KCTD19: variants seen among roughly 807,000 people sequenced by gnomAD.
The protein encoded by KCTD19 is BTB/POZ domain-containing protein KCTD19.
In KCTD19, 67 loss-of-function variants were observed where a neutral mutation model predicts 103.5. That is an observed-to-expected ratio of 0.65 (90% CI 0.53 to 0.79). KCTD19 has a LOEUF of 0.79. Among genes scored for constraint, KCTD19 ranks in the 30% least tolerant of loss-of-function variants. KCTD19 has a pLI of 0.00. For missense variants in KCTD19, 980 were observed against 1,136.1 expected, an observed-to-expected ratio of 0.86 and a Z score of 1.98; for synonymous variants, 439 against 452.2, an observed-to-expected ratio of 0.97 and a Z score of 0.37.
At chr16:67,294,539 GT>G (rs1264929050) in intron 11 of KCTD19, 40 bp downstream of exon 11, 1 of 1,428,520 alleles carries the variant, frequency 7.0e-7, no homozygotes, top group Non-Finnish European at 9.9e-7. Flanking sequence ...GGTGGTAGTG[GT>G]TTTTGAGGAT....
intron 2 of KCTD19, among the ~76,000 whole-genome samples, chr16:67,314,606 T>C (rs1057460712): frequency 2.6e-5 from 4 of 151,816 alleles, no homozygotes; most frequent in Non-Finnish European, 4.4e-5. Context: ...GTTATAGAGA[T>C]GGGGCTTTGT....
intron 8 of KCTD19, 48 bp from the exon 9 acceptor site, chr16:67,295,453 C>T (rs760606929): frequency 9.6e-6 from 15 of 1,569,792 alleles, no homozygotes; most frequent in East Asian, 4.5e-5. Flanking sequence ...TAGGTCTTTG[C>T]GAAGGGGCAG....
intron 2 of KCTD19, among the ~76,000 whole-genome samples, chr16:67,316,109 A>G (rs1168590653): frequency 1.3e-5 from 2 of 152,122 alleles, no homozygotes; most frequent in Non-Finnish European, 2.9e-5. Flanking sequence ...TGGTGCAAAT[A>G]TGGCTCACTG....
Position 67,293,649 on chromosome 16 carries a change from C to G in KCTD19, c.2113G>C (p.Ala705Pro). 4 of 1,614,068 alleles carry G rather than the reference C, an allele frequency of 2.5e-6. No homozygotes were observed. Among genetic ancestry groups the G allele is most frequent in the Non-Finnish European group, 3.4e-6 (4 of 1,180,030 alleles). Residue 705 changes from alanine to proline, a missense_variant, in exon 12 of 16, where the codon GCT (alanine) becomes CCT (proline). Transcript: ENST00000304372. The surrounding 1 kb of genome is among the most constrained non-coding windows in gnomAD (Gnocchi z 4.0). ...KDPGPQAGAG[A>P]GAKDKGPEPT... ...TCTGGCCCCTTGTCTTTCGCTCCAGCTCCAGCCCCTGCCTGTGGTCCTGGA... is the reference window on the plus strand; with the variant it reads ...TCTGGCCCCTTGTCTTTCGCTCCAGGTCCAGCCCCTGCCTGTGGTCCTGGA...
Position 67,297,507 on chromosome 16 carries a change from C to T in KCTD19, c.1143G>A (p.Val381=), listed in dbSNP as rs766894313. The change falls in exon 7 of 16, where the codon GTG becomes GTA. Residue 381 remains valine (V), a synonymous_variant. Transcript: ENST00000304372. ...CCTAGAAGCTTTCTCACTTACTGAG[C>T]ACATCCATGGGTGCCAAAGTCCTTG... is the stretch of plus-strand genomic sequence containing the variant. ...LEPRTLAPMD[V]LNEWTAEITV... 6.2e-7 allele frequency: 1 copy of T among 1,614,006 alleles called. No homozygotes were observed. Among genetic ancestry groups the T allele is most frequent in the South Asian group, 1.1e-5 (1 of 91,054 alleles).
chr16:67,309,895 G>T (rs951377211), intron 2 of KCTD19, among the ~76,000 whole-genome samples: 1 of 152,164 alleles, frequency 6.6e-6, no homozygotes, highest in African/African-American at 2.4e-5. Context: ...CTATTTCCAA[G>T]CATGTAAAGT....
In KCTD19 at chr16:67,299,429, ATG is replaced by A; in HGVS notation, c.918_919del (p.Ile307ArgfsTer41). On this transcript the variant is annotated frameshift_variant, in exon 6 of 16. Transcript: ENST00000304372. LOFTEE classifies it high-confidence loss of function. ...TCGGCTTCCGTCTAGCGTGCTCTCG[ATG>A]CGAAGCTGGCCCAGCGCAGAGTCCG... The A allele has an allele frequency of 6.2e-7, 1 of 1,614,230 alleles. No homozygotes were observed. Among genetic ancestry groups the A allele is most frequent in the Admixed American group, 1.7e-5 (1 of 60,028 alleles).
chr16:67,320,985 T>C lies in KCTD19; in HGVS notation c.4-100A>G. The C allele has an allele frequency of 3.9e-6, 4 of 1,024,478 alleles. No individual in the cohort carries two copies. Among genetic ancestry groups the C allele is most frequent in the Non-Finnish European group, 5.6e-6 (4 of 714,898 alleles). The allele number at this position is 1,024,478 out of a possible 1,614,324, so 63.5% of individuals were successfully genotyped here. ...AAACTATCTCTGTTTGCTGATGACA[T>C]GATCTTGTATATAAAAAATCCTAAG... On this transcript the variant is annotated intron_variant, in intron 1 of 15. Transcript: ENST00000304372. The surrounding 1 kb of genome is among the most constrained non-coding windows in gnomAD (Gnocchi z 4.0).
At chr16:67,294,512 C>G in intron 11 of KCTD19, 68 bp downstream of exon 11, 1 of 1,094,168 alleles carries the variant, frequency 9.1e-7, no homozygotes, top group Non-Finnish European at 1.4e-6. Context: ...GAACCTACCC[C>G]CATCCACCCT....
intron 12 of KCTD19, among the ~76,000 whole-genome samples, chr16:67,292,879 A>G (rs1357562718): frequency 1.3e-5 from 2 of 151,944 alleles, no homozygotes; most frequent in African/African-American, 2.4e-5. Flanking sequence ...GTAAGGGCCT[A>G]TCCACCCCCT....
At chr16:67,296,007 T>C in intron 8 of KCTD19, 152 bp downstream of exon 8, 3 of 617,900 alleles carry the variant, frequency 4.9e-6, no homozygotes. Flanking sequence ...CCTCCCAAAG[T>C]GCTGGGATTA....
chr16:67,303,271 T>G lies in KCTD19; in HGVS notation c.518A>C (p.His173Pro). ...CAGGTCTAGGGGCAGGAAGCAGTAG[T>G]GCACCTCCTCTTCTGTGTCTAACAG... ...TPLLDTEEEV[H>P]YCFLPLDLVA... is the part of the protein sequence containing the mutation. Residue 173 changes from histidine to proline, a missense_variant, in exon 4 of 16, where the codon CAC (histidine) becomes CCC (proline). Physicochemically the swap from His to Pro is moderately conservative, Grantham distance 77 (BLOSUM62 -2). Transcript: ENST00000304372. The surrounding 1 kb of genome is among the most constrained non-coding windows in gnomAD (Gnocchi z 4.3). 6.2e-7 allele frequency: 1 copy of G among 1,614,162 alleles called. No homozygotes were observed. Among genetic ancestry groups the G allele is most frequent in the Non-Finnish European group, 8.5e-7 (1 of 1,180,002 alleles).
chr16:67,303,182 G>T lies in KCTD19; in HGVS notation c.607C>A (p.Leu203Ile). The T allele has an allele frequency of 6.2e-7, 1 of 1,612,288 alleles. No individual in the cohort carries two copies. Among genetic ancestry groups the T allele is most frequent in the Admixed American group, 1.7e-5 (1 of 59,682 alleles). The change falls in exon 4 of 16, where the codon CTC (leucine) becomes ATC (isoleucine). Residue 203 changes from leucine to isoleucine, a missense_variant. Physicochemically the swap from Leu to Ile is conservative, Grantham distance 5. Coordinates refer to ENST00000304372, the MANE Select transcript of KCTD19 (RefSeq NM_001100915.3). The surrounding 1 kb of genome is among the most constrained non-coding windows in gnomAD (Gnocchi z 4.3). ...NLLWLAETVALIECECSEFRF... is the reference protein window; with the variant it reads ...NLLWLAETVAIIECECSEFRF... ...AACTCGCTGCACTCGCACTCGATGA[G>T]GGCCACCGTCTCAGCCAGCCACAGC... is the stretch of plus-strand genomic sequence containing the variant.
In KCTD19 at chr16:67,295,315, G is replaced by T. The variant is rs1472477957; in HGVS notation, c.1339C>A (p.His447Asn). 6 of 1,614,076 alleles carry T rather than the reference G, an allele frequency of 3.7e-6. No individual in the cohort carries two copies. Among genetic ancestry groups the T allele is most frequent in the Non-Finnish European group, 5.1e-6 (6 of 1,180,044 alleles). Reference protein sequence around the residue: ...LIHGDGQMFRHILNFLRLGKL... With the variant: ...LIHGDGQMFRNILNFLRLGKL... ...CCAAGTCTCAGGAAGTTGAGAATGT[G>T]TCGGAACATCTGGCCATCCCCGTGG... The change falls in exon 9 of 16, where the codon CAC (histidine) becomes AAC (asparagine). Residue 447 changes from histidine (H) to asparagine (N), a missense_variant. Physicochemically the swap from His to Asn is moderately conservative, Grantham distance 68 (BLOSUM62 1). Coordinates refer to ENST00000304372, the MANE Select transcript of KCTD19 (RefSeq NM_001100915.3).
intron 2 of KCTD19, among the ~76,000 whole-genome samples, chr16:67,318,140 A>G (rs2037032010): frequency 6.6e-6 from 1 of 152,234 alleles, no homozygotes; most frequent in South Asian, 2.1e-4. Context: ...AAGTGTAAGC[A>G]CTTGCTTTAC....
intron 2 of KCTD19, among the ~76,000 whole-genome samples, chr16:67,313,540 T>C (rs2036970815): frequency 6.6e-6 from 1 of 152,250 alleles, no homozygotes. Context: ...ATTTCGTCCA[T>C]GGGCTGTAGT....
In KCTD19 at chr16:67,290,976, A is replaced by T; in HGVS notation, c.2576T>A (p.Ile859Asn). 1 of 1,614,066 alleles carries T rather than the reference A, an allele frequency of 6.2e-7. No homozygotes were observed. Among genetic ancestry groups the T allele is most frequent in the Non-Finnish European group, 8.5e-7 (1 of 1,180,010 alleles). The part of the protein sequence containing the change: ...SLANRLWTLH[I>N]SPKQFVVDLL... ...ATCTACCACAAACTGCTTGGGGCTGATGTGCAGGGTCTGCCAGGAGAGCCC... is the reference window on the plus strand; with the variant it reads ...ATCTACCACAAACTGCTTGGGGCTGTTGTGCAGGGTCTGCCAGGAGAGCCC... Residue 859 changes from isoleucine to asparagine, a missense_variant, in exon 15 of 16, where the codon ATC (isoleucine) becomes AAC (asparagine). Coordinates refer to ENST00000304372, the MANE Select transcript of KCTD19 (RefSeq NM_001100915.3).
Position 67,289,432 on chromosome 16 carries a change from T to C in KCTD19, c.*137A>G. 1 of 544,080 alleles carries C rather than the reference T, an allele frequency of 1.8e-6. No homozygotes were observed. 33.7% of individuals were successfully genotyped at this position (544,080 alleles called of 1,614,324 possible). A position where few individuals can be genotyped will look rare whatever the true frequency, so the allele number is the denominator to read the frequency against. ...AGAGAAGGAGTCTAGGTCTTTGATG[T>C]GTGATTTAATCTTTTATTTGTTTAT... On this transcript the variant is annotated 3_prime_UTR_variant, in exon 16 of 16. Transcript: ENST00000304372.
intron 2 of KCTD19, among the ~76,000 whole-genome samples, chr16:67,311,480 T>G (rs940083587): frequency 2.2e-4 from 33 of 152,026 alleles, no homozygotes; most frequent in African/African-American, 7.5e-4. Flanking sequence ...TTTTTGTAGT[T>G]TTAGTAGAGA....
Sources: gnomAD v4.1 joint callset for allele counts (sites outside exome capture counted in the v4.1 genomes callset) on GRCh38, gnomAD v4.1.1 for gene constraint, Gnocchi (gnomAD v3.1) non-coding constraint, MANE v1.5 for transcripts, NCBI Gene and HGNC (gene_info 2026-07-23, HGNC 2026-07-21) for gene names.